The following RUBCN variants were observed in gnomAD, a reference collection of about 807,000 sequenced individuals.
The protein encoded by RUBCN is rubicon autophagy regulator, also known as run domain Beclin-1-interacting and cysteine-rich domain-containing protein.
A neutral mutation model predicts 113.2 loss-of-function variants in RUBCN; 74 were observed. The observed-to-expected ratio is 0.65, with a 90% confidence interval of 0.54 to 0.79. The LOEUF (loss-of-function observed/expected upper bound fraction) is 0.79, where lower values mean the gene tolerates loss of function less well. RUBCN is among the 30% of genes least tolerant of loss of function. The pLI is 0.00. For missense variants in RUBCN, 1,109 were observed against 1,251.7 expected (o/e 0.89, Z 1.72); for synonymous variants, 480 against 490.0 (o/e 0.98, Z 0.27).
intron 7 of RUBCN, chr3:197,699,139 G>T: frequency 7.4e-7 from 1 of 1,357,508 alleles, no homozygotes; most frequent in South Asian, 1.2e-5. Flanking sequence ...ACTAAGAAAG[G>T]TGGTCACAAA....
chr3:197,726,271 G>C lies in RUBCN; in HGVS notation c.66-8141C>G, dbSNP rs1370107411. ...ATTTTTATTTTTATTTTTTGAGACG[G>C]AGTCTCGCTCTGTCGCCCAGGCTGG... is the stretch of plus-strand genomic sequence containing the variant. On this transcript the variant is annotated intron_variant, in intron 1 of 19. Transcript: ENST00000296343. Among the ~76,000 whole-genome samples, 3 of 151,800 alleles carry C rather than the reference G, an allele frequency of 2.0e-5. No individual in the cohort carries two copies. In the East Asian group the frequency reaches 5.8e-4, roughly 29 times the overall value.
intron 1 of RUBCN, chr3:197,748,138 G>A (rs1434935670): frequency 6.6e-6 from 1 of 151,582 alleles, no homozygotes; most frequent in Non-Finnish European, 1.5e-5. Flanking sequence ...TTTAGTAGGG[G>A]TTTCACCATG....
upstream of RUBCN, among the ~76,000 whole-genome samples, chr3:197,739,489 G>T (rs370413843): frequency 6.6e-6 from 1 of 151,184 alleles, no homozygotes; most frequent in Non-Finnish European, 1.5e-5. Context: ...GTCAGGAGAT[G>T]GAGACTATCC....
In RUBCN at chr3:197,697,040, T is replaced by C; in HGVS notation, c.1271A>G (p.Asn424Ser). 1 of 1,579,946 alleles carries C rather than the reference T, an allele frequency of 6.3e-7. No homozygotes were observed. Among genetic ancestry groups the C allele is most frequent in the Non-Finnish European group, 8.7e-7 (1 of 1,148,934 alleles). The change falls in exon 8 of 20, where the codon AAT becomes AGT. Residue 424 changes from asparagine (N) to serine (S), a missense_variant. This residue lies in a region of RUBCN where 736 missense variants were observed against 779.6 expected (regional missense o/e 0.94). Transcript: ENST00000296343. ...AGGGCCTCTCAACTTCGCCTTATCATTGCAGGATTCTAATGACGATGACCA... is the reference window on the plus strand; with the variant it reads ...AGGGCCTCTCAACTTCGCCTTATCACTGCAGGATTCTAATGACGATGACCA... ...IASRGAPESCNDKAKLRGPLP... is the reference protein window; with the variant it reads ...IASRGAPESCSDKAKLRGPLP...
intron 11 of RUBCN, among the ~76,000 whole-genome samples, chr3:197,687,404 A>G (rs1484540967): frequency 6.6e-6 from 1 of 152,222 alleles, no homozygotes; most frequent in East Asian, 1.9e-4. Flanking sequence ...CCAGCTATCA[A>G]TTTATTGTCT....
chr3:197,743,540 A>G (rs1728612429), intron 1 of RUBCN, among the ~76,000 whole-genome samples: 1 of 152,256 alleles, frequency 6.6e-6, no homozygotes, highest in African/African-American at 2.4e-5. Flanking sequence ...GAAGAGGGAC[A>G]GAAAGCTACA....
chr3:197,722,120 G>A (rs1726238132), intron 1 of RUBCN, among the ~76,000 whole-genome samples: 1 of 152,012 alleles, frequency 6.6e-6, no homozygotes, highest in African/African-American at 2.4e-5. Flanking sequence ...GTGCGTGCAT[G>A]TAATCCCAGC....
chr3:197,705,658 G>T (rs1724221120), intron 2 of RUBCN, among the ~76,000 whole-genome samples: 1 of 148,424 alleles, frequency 6.7e-6, no homozygotes, highest in African/African-American at 2.5e-5. Flanking sequence ...AATTGTTAAA[G>T]ATTATTTTAA....
Position 197,736,797 on chromosome 3 carries a change from G to C in RUBCN, c.-78C>G. On this transcript the variant is annotated 5_prime_UTR_variant, in exon 1 of 20. Transcript: ENST00000296343. ...CCCTTCAGGGCTCCCGGGGCCCCCTGGGGCCGGAGGAGGCACCTGCGGCCG... is the reference window on the plus strand; with the variant it reads ...CCCTTCAGGGCTCCCGGGGCCCCCTCGGGCCGGAGGAGGCACCTGCGGCCG... The C allele has an allele frequency of 6.8e-7, 1 of 1,470,810 alleles. No homozygotes were observed. The highest frequency in any genetic ancestry group is 2.7e-5 in the East Asian group (1 of 37,108). 91.1% of individuals were successfully genotyped at this position (1,470,810 alleles called of 1,614,324 possible). A position where few individuals can be genotyped will look rare whatever the true frequency, so the allele number is the denominator to read the frequency against.
chr3:197,694,797 T>C (rs1413689744), intron 9 of RUBCN, among the ~76,000 whole-genome samples: 3 of 152,198 alleles, frequency 2.0e-5, no homozygotes, highest in Non-Finnish European at 4.4e-5. Flanking sequence ...TGTCCCTTCC[T>C]GTCTCATTTC....
chr3:197,713,700 C>T (rs541378778), intron 2 of RUBCN, among the ~76,000 whole-genome samples: 1 of 151,920 alleles, frequency 6.6e-6, no homozygotes, highest in East Asian at 1.9e-4. Context: ...GGTGAGTGAT[C>T]GTGCAATGTG....
intron 3 of RUBCN, 69 bp from the exon 4 acceptor site, chr3:197,704,770 C>A: frequency 1.3e-6 from 2 of 1,489,502 alleles, no homozygotes; most frequent in Non-Finnish European, 1.9e-6. Flanking sequence ...GGCCTAATGA[C>A]CTGAGAACTA....
In RUBCN at chr3:197,694,435, G is replaced by A. The variant is rs754358548; in HGVS notation, c.1624C>T (p.Arg542Trp). Reference protein sequence around the residue: ...IQELKQKIRLRRQQIRTKNLL... With the variant: ...IQELKQKIRLWRQQIRTKNLL... ...TTCTTGGTGCGGATTTGCTGGCGCC[G>A]AAGGCGGATCTTCTGCTTCAGCTCC... Residue 542 changes from arginine to tryptophan, a missense_variant, in exon 10 of 20, where the codon CGG becomes TGG. Arg to Trp is a moderately radical substitution (Grantham distance 101). Coordinates refer to ENST00000296343, the MANE Select transcript of RUBCN (RefSeq NM_014687.4). 1.1e-5 allele frequency: 17 copies of A among 1,614,192 alleles called. No individual in the cohort carries two copies. Among genetic ancestry groups the A allele is most frequent in the Admixed American group, 3.3e-5 (2 of 60,022 alleles).
rs1269149994 is a variant in RUBCN, at chr3:197,672,553, G to A, written c.*2465C>T. ...AGCTAGGGAAAAATAAGTGACAAGT[G>A]AGGAGCCTATGAGACTGTTGAGTTC... On this transcript the variant is annotated 3_prime_UTR_variant, in exon 20 of 20. Coordinates refer to ENST00000296343, the MANE Select transcript of RUBCN (RefSeq NM_014687.4). 4 of 152,286 alleles carry A rather than the reference G, an allele frequency of 2.6e-5. No homozygotes were observed. The highest frequency in any genetic ancestry group is 9.7e-5 in the African/African-American group (4 of 41,448). The allele number at this position is 152,286 out of a possible 1,614,324, so 9.4% of individuals were successfully genotyped here.
At position 197,684,075 on chromosome 3, in the gene RUBCN, A is replaced by T. The variant is rs1038308696; in HGVS notation, c.1847+82T>A. 8.0e-6 allele frequency: 9 copies of T among 1,122,648 alleles called. No individual in the cohort carries two copies. In the Admixed American group the frequency reaches 1.5e-4, roughly 19 times the overall value. The allele number at this position is 1,122,648 out of a possible 1,614,324, so 69.5% of individuals were successfully genotyped here. A position where few individuals can be genotyped will look rare whatever the true frequency, so the allele number is the denominator to read the frequency against. The stretch of plus-strand genomic sequence containing the variant: ...CTCTTACATCTGGATGGCTTTGCCC[A>T]GCCATACACCAAGAACTGGGTTTGT... On this transcript the variant is annotated intron_variant, in intron 12 of 19. Coordinates refer to ENST00000296343, the MANE Select transcript of RUBCN (RefSeq NM_014687.4).
At chr3:197,705,621 T>C (rs1241412056) in intron 2 of RUBCN, among the ~76,000 whole-genome samples, 1 of 151,566 alleles carries the variant, frequency 6.6e-6, no homozygotes, top group African/African-American at 2.4e-5. Flanking sequence ...ATACTACACT[T>C]GACATATGTT....
At position 197,683,872 on chromosome 3, in the gene RUBCN, T is replaced by C. The variant is rs1721538709; in HGVS notation, c.1847+285A>G. Among the ~76,000 whole-genome samples the C allele has an allele frequency of 6.6e-6, 1 of 152,228 alleles. No individual in the cohort carries two copies. The highest frequency in any genetic ancestry group is 2.4e-5 in the African/African-American group (1 of 41,462). ...TTGATTTCATAACCAAAAACCATCA[T>C]CACTGCTCTCTTTTGAGACCTTCTG... On this transcript the variant is annotated intron_variant, in intron 12 of 19. Coordinates refer to ENST00000296343, the MANE Select transcript of RUBCN (RefSeq NM_014687.4). The surrounding 1 kb of genome is among the most constrained non-coding windows in gnomAD (Gnocchi z 4.6).
At chr3:197,702,383 C>A (rs746016040) in intron 5 of RUBCN, among the ~76,000 whole-genome samples, 1 of 152,210 alleles carries the variant, frequency 6.6e-6, no homozygotes, top group Non-Finnish European at 1.5e-5. Context: ...ACGAATCAGG[C>A]CGGGCACAGT....
chr3:197,717,422 T>A (rs776770300), intron 2 of RUBCN, among the ~76,000 whole-genome samples: 34 of 146,552 alleles, frequency 2.3e-4, no homozygotes, highest in Non-Finnish European at 3.7e-4. Context: ...CCAGCCTGGG[T>A]GACAGAGCGA....
Sources: gnomAD v4.1 joint callset for allele counts (sites outside exome capture counted in the v4.1 genomes callset) on GRCh38, gnomAD v4.1.1 for gene constraint, gnomAD v4.1.1 regional missense constraint, Gnocchi (gnomAD v3.1) non-coding constraint, MANE v1.5 for transcripts, NCBI Gene and HGNC (gene_info 2026-07-23, HGNC 2026-07-21) for gene names.